Variants in SPOCK3 observed in about 807,000 individuals in gnomAD.
The protein encoded by SPOCK3 is testican-3.
In SPOCK3, 30 loss-of-function variants were observed where a neutral mutation model predicts 56.6. The ratio of observed to expected loss-of-function variants is 0.53; its 90% CI spans 0.40 to 0.72. SPOCK3 has a LOEUF of 0.72. Among genes scored for constraint, SPOCK3 ranks in the 30% least tolerant of loss-of-function variants. SPOCK3 has a pLI of 0.00. For missense variants in SPOCK3, 527 were observed against 530.0 expected (o/e 0.99, Z 0.06); for synonymous variants, 196 against 183.3 (o/e 1.07, Z -0.56).
intron 4 of SPOCK3, among the ~76,000 whole-genome samples, chr4:166,915,298 C>T (rs887990499): frequency 6.6e-6 from 1 of 152,026 alleles, no homozygotes; most frequent in East Asian, 1.9e-4. Flanking sequence ...GTACATTCTG[C>T]ACATGTATCC....
intron 2 of SPOCK3, among the ~76,000 whole-genome samples, chr4:167,105,617 T>G (rs1760055146): frequency 6.6e-6 from 1 of 150,588 alleles, no homozygotes; most frequent in Admixed American, 6.6e-5. Flanking sequence ...TTATCAATAA[T>G]AACATTGAAA....
chr4:166,900,418 T>TTA (rs1200384196), intron 5 of SPOCK3, among the ~76,000 whole-genome samples: 1 of 152,172 alleles, frequency 6.6e-6, no homozygotes, highest in Admixed American at 6.5e-5. Context: ...TTCACATATC[T>TTA]TAGTAAGGCA....
rs909427197 is a variant in SPOCK3, at chr4:166,950,230, A to C, written c.351-37487T>G. Among the ~76,000 whole-genome samples, 16 of 151,986 alleles carry C rather than the reference A, an allele frequency of 1.1e-4. No homozygotes were observed. The South Asian group carries it at 3.3e-3, about 32-fold the overall frequency. On this transcript the variant is annotated intron_variant, in intron 4 of 10. Transcript: ENST00000357545. ...GACACACATAGGCTCAAAATAAAAG[A>C]ATGCAGGAAGATCTACCAAGCAAAT... is the stretch of plus-strand genomic sequence containing the variant.
intron 4 of SPOCK3, among the ~76,000 whole-genome samples, chr4:166,959,567 G>A (rs530428261): frequency 1.5e-4 from 22 of 151,138 alleles, no homozygotes; most frequent in African/African-American, 4.1e-4. Context: ...AGCTGAGATC[G>A]CACCATTGCA....
intron 2 of SPOCK3, among the ~76,000 whole-genome samples, chr4:167,209,535 C>A (rs2111016668): frequency 6.6e-6 from 1 of 152,160 alleles, no homozygotes; most frequent in Admixed American, 6.6e-5. Flanking sequence ...CTTTGTACGT[C>A]CTATGTTCAA....
At chr4:166,737,360 C>T (rs956221953) in intron 10 of SPOCK3, 107 bp downstream of exon 10, 1 of 1,231,342 alleles carries the variant, frequency 8.1e-7, no homozygotes, top group Non-Finnish European at 1.1e-6. Flanking sequence ...ATTCTACAGT[C>T]TTTGCATAGA....
intron 6 of SPOCK3, among the ~76,000 whole-genome samples, chr4:166,860,802 CATATATATATATATGT>C (rs1553989682): frequency 9.8e-6 from 1 of 101,938 alleles, no homozygotes; most frequent in Non-Finnish European, 2.0e-5. Flanking sequence ...CACACAAATT[CATATATATATATATGT>C]ATATATATAT....
At chr4:166,850,391 T>C (rs1473999180) in intron 6 of SPOCK3, among the ~76,000 whole-genome samples, 1 of 152,138 alleles carries the variant, frequency 6.6e-6, no homozygotes, top group Non-Finnish European at 1.5e-5. Flanking sequence ...TGCAATAAAT[T>C]TGTGATATAA....
At chr4:167,109,470 A>AT (rs1483483064) in intron 2 of SPOCK3, among the ~76,000 whole-genome samples, 1 of 109,430 alleles carries the variant, frequency 9.1e-6, no homozygotes, top group Admixed American at 1.3e-4. Context: ...ATATAGTTAT[A>AT]ATATATTTAT....
rs144918137 is a variant in SPOCK3, at chr4:166,745,032, G to T, written c.932-2973C>A. Among the ~76,000 whole-genome samples the T allele has an allele frequency of 3.3e-3, 495 of 152,250 alleles. 3 individuals are homozygous for T. Among genetic ancestry groups the T allele is most frequent in the African/African-American group, 0.011 (454 of 41,550 alleles). On this transcript the variant is annotated intron_variant, in intron 8 of 10. Transcript: ENST00000357545. The stretch of plus-strand genomic sequence containing the variant: ...TTTGATTGGTGTACGTGAAAGTGAT[G>T]GGGAGAATGGAACCAAGTTGGAAAA...
chr4:167,217,527 G>C (rs373360908), intron 2 of SPOCK3, among the ~76,000 whole-genome samples: 29 of 152,024 alleles, frequency 1.9e-4, no homozygotes, highest in African/African-American at 7.0e-4. Flanking sequence ...TAAGGGACTT[G>C]AGGATCCATG....
intron 2 of SPOCK3, among the ~76,000 whole-genome samples, chr4:167,125,229 T>TTA (rs1277156046): frequency 6.9e-5 from 10 of 144,846 alleles, no homozygotes; most frequent in Admixed American, 3.4e-4. Context: ...ATTTATTTAT[T>TTA]TTTATTTATT....
At chr4:167,058,585 T>G (rs1020718585) in intron 3 of SPOCK3, among the ~76,000 whole-genome samples, 3 of 152,074 alleles carry the variant, frequency 2.0e-5, no homozygotes, top group African/African-American at 7.2e-5. Flanking sequence ...CCAAGGTAAT[T>G]TATAGATTCA....
intron 2 of SPOCK3, among the ~76,000 whole-genome samples, chr4:167,214,280 TA>T (rs1735152889): frequency 6.6e-6 from 1 of 152,166 alleles, no homozygotes; most frequent in African/African-American, 2.4e-5. Flanking sequence ...AAAATACCTA[TA>T]AAAATATTTG....
At chr4:167,098,156 C>T (rs1485508832) in intron 2 of SPOCK3, among the ~76,000 whole-genome samples, 1 of 151,942 alleles carries the variant, frequency 6.6e-6, no homozygotes, top group African/African-American at 2.4e-5. Flanking sequence ...CTACTGGAAA[C>T]TAAGTCTTGT....
chr4:167,152,724 A>C (rs1171984058), intron 2 of SPOCK3, among the ~76,000 whole-genome samples: 1 of 152,242 alleles, frequency 6.6e-6, no homozygotes, highest in Non-Finnish European at 1.5e-5. Flanking sequence ...AAAAAGTAGG[A>C]AAAGTTCAAC....
At chr4:166,929,665 T>C (rs1739508282) in intron 4 of SPOCK3, among the ~76,000 whole-genome samples, 1 of 152,174 alleles carries the variant, frequency 6.6e-6, no homozygotes, top group Admixed American at 6.5e-5. Flanking sequence ...AGTTCTTGAG[T>C]GCTTTTGGGA....
At chr4:166,949,620 G>T (rs1188581820) in intron 4 of SPOCK3, among the ~76,000 whole-genome samples, 1 of 152,062 alleles carries the variant, frequency 6.6e-6, no homozygotes. Context: ...GACCCTGTTT[G>T]CCTGGGTATC....
rs1244025095 is a variant in SPOCK3 at position 166,853,692 on chromosome 4, G to A, written c.589+35438C>T. ...GAGGCCAGGAGTTCCAGACCAGCCTGGCCAACATGGCAAAAAGCCATCTCT... is the reference window on the plus strand; with the variant it reads ...GAGGCCAGGAGTTCCAGACCAGCCTAGCCAACATGGCAAAAAGCCATCTCT... On this transcript the variant is annotated intron_variant, in intron 6 of 10. Coordinates refer to ENST00000357545, the MANE Select transcript of SPOCK3 (RefSeq NM_001040159.2). Among the ~76,000 whole-genome samples, 4 of 152,138 alleles carry A rather than the reference G, an allele frequency of 2.6e-5. No homozygotes were observed. The East Asian group carries it at 5.8e-4, about 22-fold the overall frequency.
Sources: gnomAD v4.1 joint callset for allele counts (sites outside exome capture counted in the v4.1 genomes callset) on GRCh38, gnomAD v4.1.1 for gene constraint, MANE v1.5 for transcripts, NCBI Gene and HGNC (gene_info 2026-07-23, HGNC 2026-07-21) for gene names.